Variants in DCDC1 observed in about 807,000 individuals in gnomAD.
DCDC1 encodes the protein doublecortin domain containing 1.
A neutral mutation model predicts 178.3 loss-of-function variants in DCDC1; 200 were observed. That is an observed-to-expected ratio of 1.12 (90% CI 1.00 to 1.26). The LOEUF is 1.26. Among genes scored for constraint, DCDC1 ranks in the 50% most tolerant of loss-of-function variants. The pLI, the probability that DCDC1 is intolerant of heterozygous loss-of-function variation, is 0.00. For synonymous variants in DCDC1, 690 were observed against 604.8 expected (o/e 1.14, Z -2.07); for missense variants, 1,983 against 1,749.2 (o/e 1.13, Z -2.38).
chr11:31,058,952 C>G (rs1463273724), intron 20 of DCDC1, among the ~76,000 whole-genome samples: 1 of 152,024 alleles, frequency 6.6e-6, no homozygotes, highest in Admixed American at 6.6e-5. Context: ...ACTAGACACT[C>G]TAGTTTGGGG....
chr11:30,935,128 C>T (rs566483006), intron 21 of DCDC1, among the ~76,000 whole-genome samples: 1 of 152,304 alleles, frequency 6.6e-6, no homozygotes, highest in South Asian at 2.1e-4. Flanking sequence ...ATTCTAAATT[C>T]TGGCAGTTAT....
chr11:31,287,602 G>A (rs1362662668), intron 7 of DCDC1, among the ~76,000 whole-genome samples: 2 of 151,922 alleles, frequency 1.3e-5, no homozygotes, highest in African/African-American at 2.4e-5. Context: ...CGATGAATCA[G>A]TCTGATATCA....
intron 24 of DCDC1, among the ~76,000 whole-genome samples, chr11:30,921,689 T>C (rs1041929508): frequency 3.9e-5 from 6 of 152,150 alleles, no homozygotes; most frequent in African/African-American, 1.4e-4. Flanking sequence ...ACAGCATGTC[T>C]TGATTCTCTC....
At chr11:31,061,054 C>T (rs1043338662) in intron 20 of DCDC1, among the ~76,000 whole-genome samples, 2 of 152,100 alleles carry the variant, frequency 1.3e-5, no homozygotes, top group African/African-American at 4.8e-5. Context: ...AGCTAGCAAA[C>T]CCTTCAGCAC....
At chr11:31,335,026 C>A (rs1482403721) in intron 2 of DCDC1, among the ~76,000 whole-genome samples, 5 of 152,152 alleles carry the variant, frequency 3.3e-5, no homozygotes, top group Admixed American at 6.5e-5. Flanking sequence ...CTAGACACAG[C>A]AGGGCTTGCA....
chr11:31,099,082 C>T (rs1472751713), intron 15 of DCDC1, among the ~76,000 whole-genome samples: 2 of 152,022 alleles, frequency 1.3e-5, no homozygotes, highest in African/African-American at 4.8e-5. Flanking sequence ...TATAGTTAAC[C>T]CACTTTGACA....
At chr11:30,880,958 T>C (rs1295144793) in intron 37 of DCDC1, among the ~76,000 whole-genome samples, 200 bp downstream of exon 37, 1 of 152,208 alleles carries the variant, frequency 6.6e-6, no homozygotes, top group East Asian at 1.9e-4. Context: ...TGAAATGCGA[T>C]TGAATTCTCC....
chr11:31,252,325 G>A (rs1297702634), intron 8 of DCDC1, among the ~76,000 whole-genome samples: 1 of 152,154 alleles, frequency 6.6e-6, no homozygotes, highest in Non-Finnish European at 1.5e-5. Flanking sequence ...CTTAGAGGTA[G>A]AAGTTTAGTA....
rs377395170 is a variant in DCDC1, at chr11:31,290,690, T to A, written c.917A>T (p.Gln306Leu). The A allele has an allele frequency of 6.2e-7, 1 of 1,613,408 alleles. No individual in the cohort carries two copies. Among genetic ancestry groups the A allele is most frequent in the Admixed American group, 1.7e-5 (1 of 59,978 alleles). ...TCCCACTGTAATCTCATGCCCATCC[T>A]GCCCCATGCCATTCTTAAAGAACAG... ...RILFFKNGMG[Q>L]DGHEITVGKE... Residue 306 changes from glutamine (Q) to leucine (L), a missense_variant, in exon 7 of 39, where the codon CAG becomes CTG. By Grantham distance (113) the Gln-to-Leu change is moderately radical (BLOSUM62 -2). Coordinates refer to ENST00000684477, the MANE Select transcript of DCDC1 (RefSeq NM_001387274.1).
In DCDC1 at chr11:31,265,618, A is replaced by G. The variant is rs1048979288; in HGVS notation, c.961-18T>C. 1 of 1,235,220 alleles carries G rather than the reference A, an allele frequency of 8.1e-7. No homozygotes were observed. Among genetic ancestry groups the G allele is most frequent in the African/African-American group, 1.6e-5 (1 of 64,308 alleles). The allele number at this position is 1,235,220 out of a possible 1,614,324, so 76.5% of individuals were successfully genotyped here. On this transcript the variant is annotated intron_variant, in intron 7 of 38. Transcript: ENST00000684477. Reference sequence around the variant, plus strand: ...TCTAAAACCTGTGCAGGAAAAAAAAATTATAAATAATTTAGTAAACTGGTT... The same window carrying G: ...TCTAAAACCTGTGCAGGAAAAAAAAGTTATAAATAATTTAGTAAACTGGTT...
Position 30,891,228 on chromosome 11 carries a change from A to G in DCDC1, c.5082+1590T>C, listed in dbSNP as rs532767505. On this transcript the variant is annotated intron_variant, in intron 36 of 38. Coordinates refer to ENST00000684477, the MANE Select transcript of DCDC1 (RefSeq NM_001387274.1). ...ATATAGCACTATTAAGTTTACAAAA[A>G]TATTTCCACAGACATAAATTAGAAA... is the stretch of plus-strand genomic sequence containing the variant. Among the ~76,000 whole-genome samples the G allele has an allele frequency of 3.9e-5, 6 of 152,330 alleles. No individual in the cohort carries two copies. In the East Asian group the frequency reaches 1.2e-3, roughly 29 times the overall value.
chr11:30,909,109 T>C lies in DCDC1; in HGVS notation c.3755A>G (p.Lys1252Arg), dbSNP rs769687819. 3.1e-6 allele frequency: 5 copies of C among 1,603,862 alleles called. No homozygotes were observed. The highest frequency in any genetic ancestry group is 4.3e-6 in the Non-Finnish European group (5 of 1,173,280). ...CGYPVIVQKY[K>R]PYNNGAANQK... The stretch of plus-strand genomic sequence containing the variant: ...ATTGGCAGCTCCATTGTTGTACGGC[T>C]TATATTTCTGAAAAAAGAGGCAAAA... Residue 1252 changes from lysine (K) to arginine (R), a missense_variant, in exon 29 of 39, where the codon AAG (lysine) becomes AGG (arginine). Lys to Arg is a conservative substitution (Grantham distance 26). Transcript: ENST00000684477.
chr11:31,198,300 G>A (rs1970914434), intron 9 of DCDC1, among the ~76,000 whole-genome samples: 1 of 152,028 alleles, frequency 6.6e-6, no homozygotes, highest in South Asian at 2.1e-4. Context: ...ATAGAAAAAT[G>A]TCTATGGCAA....
intron 15 of DCDC1, among the ~76,000 whole-genome samples, chr11:31,100,193 A>G (rs1376312825): frequency 6.6e-6 from 1 of 152,178 alleles, no homozygotes; most frequent in Non-Finnish European, 1.5e-5. Flanking sequence ...AAAACAAATA[A>G]CAATCTGGCT....
At chr11:31,271,215 C>G (rs1945524586) in intron 7 of DCDC1, among the ~76,000 whole-genome samples, 1 of 152,172 alleles carries the variant, frequency 6.6e-6, no homozygotes, top group Non-Finnish European at 1.5e-5. Context: ...CTACAGCCAT[C>G]CACTCTTTTT....
At chr11:31,291,223 G>T (rs1446189876) in intron 6 of DCDC1, among the ~76,000 whole-genome samples, 1 of 151,868 alleles carries the variant, frequency 6.6e-6, no homozygotes, top group Non-Finnish European at 1.5e-5. Context: ...AACAACATAG[G>T]TCTTGAACTT....
intron 21 of DCDC1, among the ~76,000 whole-genome samples, chr11:30,941,476 T>A (rs1028379687): frequency 2.7e-4 from 41 of 152,206 alleles, no homozygotes; most frequent in African/African-American, 9.2e-4. Context: ...AAACACATCA[T>A]CTCAGTTGTT....
rs10680628 is a variant in DCDC1 at position 31,045,395 on chromosome 11, C to CT, written c.2591+19073dup. On this transcript the variant is annotated intron_variant, in intron 20 of 38. Coordinates refer to ENST00000684477, the MANE Select transcript of DCDC1 (RefSeq NM_001387274.1). ...GACCCCATTTTTTCTTTTCTTTTTCCTTTTTTTTTTTTAACTCGCCTTAGA... is the reference window on the plus strand; with the variant it reads ...GACCCCATTTTTTCTTTTCTTTTTCCTTTTTTTTTTTTTAACTCGCCTTAGA... Among the ~76,000 whole-genome samples the CT allele has an allele frequency of 7.4e-3, 1,060 of 143,446 alleles. 7 individuals are homozygous for CT. The highest frequency in any genetic ancestry group is 0.011 in the Middle Eastern group (3 of 284). The allele number at this position is 143,446 out of a possible 152,430, so 94.1% of individuals were successfully genotyped here.
At chr11:30,899,147 A>T (rs1485195804) in intron 34 of DCDC1, among the ~76,000 whole-genome samples, 1 of 152,064 alleles carries the variant, frequency 6.6e-6, no homozygotes, top group South Asian at 2.1e-4. Flanking sequence ...AAACAAAAAA[A>T]AAAACTTCTT....
Sources: allele counts gnomAD v4.1 joint callset (sites outside exome capture counted in the v4.1 genomes callset), GRCh38; gene constraint gnomAD v4.1.1; transcripts MANE v1.5; gene names NCBI Gene and HGNC (gene_info 2026-07-23, HGNC 2026-07-21).